The following SEC16B variants were observed in gnomAD, a reference collection of about 807,000 sequenced individuals.
The protein encoded by SEC16B is SEC16 homolog B, endoplasmic reticulum export factor.
A neutral mutation model predicts 141.8 loss-of-function variants in SEC16B; 115 were observed. The ratio of observed to expected loss-of-function variants is 0.81; its 90% confidence interval spans 0.70 to 0.95. SEC16B has a LOEUF of 0.95. Among genes scored for constraint, SEC16B ranks in the 40% least tolerant of loss-of-function variants. SEC16B has a pLI of 0.00. For synonymous variants in SEC16B, 493 were observed against 492.5 expected, an observed-to-expected ratio of 1.00 and a Z score of -0.01; for missense variants, 1,291 against 1,312.3, an observed-to-expected ratio of 0.98 and a Z score of 0.25.
At chr1:177,949,470 T>A (rs1002866178) in intron 12 of SEC16B, among the ~76,000 whole-genome samples, 1 of 150,838 alleles carries the variant, frequency 6.6e-6, no homozygotes, top group Non-Finnish European at 1.5e-5. Context: ...TCCTCGCTGG[T>A]GATTTGAAAA....
chr1:177,965,245 G>T lies in SEC16B; in HGVS notation c.413-78C>A, dbSNP rs141440966. 206 of 1,524,736 alleles carry T rather than the reference G, an allele frequency of 1.4e-4. 1 individual carries two copies. The highest frequency in any genetic ancestry group is 2.0e-5 in the Non-Finnish European group (22 of 1,114,088). 94.5% of individuals were successfully genotyped at this position (1,524,736 alleles called of 1,614,324 possible). A position where few individuals can be genotyped will look rare whatever the true frequency, so the allele number is the denominator to read the frequency against. On this transcript the variant is annotated intron_variant, in intron 3 of 25. Transcript: ENST00000308284. ...GTTCTTAGAAAGATATTAGTGAGCT[G>T]TGAGGAGCTCCTGGAGCACAGTAGA...
chr1:177,932,984 C>G (rs1200687094), intron 22 of SEC16B, among the ~76,000 whole-genome samples, 178 bp from the exon 23 acceptor site: 3 of 152,230 alleles, frequency 2.0e-5, no homozygotes, highest in Non-Finnish European at 4.4e-5. Context: ...TAGCTCCCTA[C>G]TGCTGACCCT....
In SEC16B at chr1:177,965,916, G is replaced by A. The variant is rs768385945; in HGVS notation, c.389C>T (p.Pro130Leu). The A allele has an allele frequency of 6.3e-7, 1 of 1,593,194 alleles. No homozygotes were observed. The highest frequency in any genetic ancestry group is 1.1e-5 in the South Asian group (1 of 87,466). ...ACCTCTTTCTTCCTGCAGCCACTGT[G>A]GGTGTCCATGATAGTAATAACTTCC... ...AYGSYYYHGH[P>L]QWLQEERVPR... is the part of the protein sequence containing the mutation. The change falls in exon 3 of 26, where the codon CCA (proline) becomes CTA (leucine). Residue 130 changes from proline (P) to leucine (L), a missense_variant. Physicochemically the swap from Pro to Leu is moderately conservative, Grantham distance 98. Around this residue, in one of 3 missense-constraint regions of SEC16B, gnomAD observed 681 missense variants for 675.5 expected, o/e 1.01. Coordinates refer to ENST00000308284, the MANE Select transcript of SEC16B (RefSeq NM_033127.4).
At chr1:177,933,168 G>A (rs898489734) in intron 22 of SEC16B, 46 bp downstream of exon 22, 1 of 1,476,490 alleles carries the variant, frequency 6.8e-7, no homozygotes, top group Non-Finnish European at 9.2e-7. Flanking sequence ...AGCTCCCTCT[G>A]AAAGACCCAC....
At chr1:177,939,675 A>T (rs868712130) in intron 18 of SEC16B, 27 bp downstream of exon 18, 1 of 1,507,388 alleles carries the variant, frequency 6.6e-7, no homozygotes, top group Non-Finnish European at 9.1e-7. Context: ...TCAGCTATGT[A>T]TATGCTCAGT....
chr1:177,965,258 G>A (rs756808327), intron 3 of SEC16B, 91 bp from the exon 4 acceptor site: 3 of 1,439,352 alleles, frequency 2.1e-6, no homozygotes, highest in Non-Finnish European at 2.9e-6. Flanking sequence ...AGGAGCTCCT[G>A]GAGCACAGTA....
At position 177,946,483 on chromosome 1, in the gene SEC16B, T is replaced by G. The variant is rs1354424938; in HGVS notation, c.1712A>C (p.His571Pro). ...EAAHFCYLMAHVPFGHYTVKT... is the reference protein window; with the variant it reads ...EAAHFCYLMAPVPFGHYTVKT... The stretch of plus-strand genomic sequence containing the variant: ...CACGGTGTAGTGGCCAAAGGGCACG[T>G]GAGCCATGAGATAGCAGAAGTGAGC... Residue 571 changes from histidine (H) to proline (P), a missense_variant, in exon 14 of 26, where the codon CAC (histidine) becomes CCC (proline). Around this residue, in one of 3 missense-constraint regions of SEC16B, gnomAD observed 605 missense variants for 614.1 expected, o/e 0.99. Coordinates refer to ENST00000308284, the MANE Select transcript of SEC16B (RefSeq NM_033127.4). 1.3e-6 allele frequency: 2 copies of G among 1,585,280 alleles called. No individual in the cohort carries two copies. The highest frequency in any genetic ancestry group is 1.3e-5 in the African/African-American group (1 of 74,334).
intron 3 of SEC16B, 103 bp downstream of exon 3, chr1:177,965,790 C>T: frequency 1.5e-6 from 1 of 646,604 alleles, no homozygotes; most frequent in Non-Finnish European, 2.7e-6. Flanking sequence ...GAAAGGATGC[C>T]CAAGGTGAGG....
chr1:177,938,742 T>C (rs1651053004), intron 18 of SEC16B, among the ~76,000 whole-genome samples: 1 of 152,226 alleles, frequency 6.6e-6, no homozygotes, highest in Non-Finnish European at 1.5e-5. Flanking sequence ...TTATTTCTTC[T>C]TTAAGGACTT....
At chr1:177,937,578 C>T in intron 18 of SEC16B, 65 bp from the exon 19 acceptor site, 1 of 1,317,024 alleles carries the variant, frequency 7.6e-7, no homozygotes, top group Non-Finnish European at 1.0e-6. Context: ...ACTGATCACA[C>T]CAGAAACATT....
chr1:177,965,844 A>G (rs1357471047), intron 3 of SEC16B, 49 bp downstream of exon 3: 1 of 1,206,168 alleles, frequency 8.3e-7, no homozygotes, highest in Non-Finnish European at 1.2e-6. Context: ...CTCTCAGACC[A>G]GCTGCCCCAT....
At chr1:177,968,136 G>A (rs559592355) in intron 1 of SEC16B, 97 bp from the exon 2 acceptor site, 5 of 662,310 alleles carry the variant, frequency 7.5e-6, no homozygotes, top group African/African-American at 3.6e-5. Flanking sequence ...TATGGTCCTC[G>A]AAATATATCT....
chr1:177,962,086 C>A (rs1411195527), intron 5 of SEC16B, among the ~76,000 whole-genome samples: 1 of 151,912 alleles, frequency 6.6e-6, no homozygotes, highest in Non-Finnish European at 1.5e-5. Flanking sequence ...AAACAATTTT[C>A]TTTTTTGAGA....
rs1165878929 is a variant in SEC16B, at chr1:177,929,803, A to G, written c.*55T>C. 12 of 1,589,660 alleles carry G rather than the reference A, an allele frequency of 7.5e-6. No homozygotes were observed. Among genetic ancestry groups the G allele is most frequent in the Admixed American group, 1.7e-5 (1 of 58,468 alleles). ...AGAGAGGGGCTGGGAGATTGAGAAAAAGAGAGCAAGAAAGTTTCAGTCCTG... is the reference window on the plus strand; with the variant it reads ...AGAGAGGGGCTGGGAGATTGAGAAAGAGAGAGCAAGAAAGTTTCAGTCCTG... On this transcript the variant is annotated 3_prime_UTR_variant, in exon 26 of 26. Transcript: ENST00000308284.
chr1:177,959,210 C>T, intron 8 of SEC16B: 1 of 523,324 alleles, frequency 1.9e-6, no homozygotes, highest in South Asian at 2.0e-5. Context: ...GAAACAGAGG[C>T]TCAGAGACCT....
chr1:177,954,329 C>T lies in SEC16B; in HGVS notation c.1413G>A (p.Leu471=), dbSNP rs2101961292. Residue 471 remains leucine (L), a synonymous_variant, in exon 11 of 26, where the codon TTG becomes TTA. Coordinates refer to ENST00000308284, the MANE Select transcript of SEC16B (RefSeq NM_033127.4). ...AMKNHLWGHA[L]FLSSKMDPQT... is the part of the protein sequence containing the mutation. The stretch of plus-strand genomic sequence containing the variant: ...GTGGGTCCATCTTGCTGGACAGGAA[C>T]AAAGCATGGCCCCACAAGTGGTTCT... The T allele has an allele frequency of 1.3e-6, 2 of 1,575,972 alleles. No individual in the cohort carries two copies. The highest frequency in any genetic ancestry group is 2.3e-5 in the East Asian group (1 of 42,834).
intron 1 of SEC16B, among the ~76,000 whole-genome samples, chr1:177,983,969 G>C (rs539887234): frequency 6.6e-6 from 1 of 152,272 alleles, no homozygotes; most frequent in South Asian, 2.1e-4. Flanking sequence ...AGGAGTTAGG[G>C]TTGGAAATTG....
At chr1:177,961,547 C>A in intron 6 of SEC16B, 43 bp downstream of exon 6, 4 of 1,568,078 alleles carry the variant, frequency 2.6e-6, no homozygotes, top group Non-Finnish European at 3.5e-6. Context: ...CCAGCCCTTC[C>A]ACATCAGATT....
chr1:177,959,599 G>A (rs1192335214), intron 8 of SEC16B: 1 of 158,202 alleles, frequency 6.3e-6, no homozygotes, highest in Non-Finnish European at 1.4e-5. Flanking sequence ...AATGCCATTT[G>A]AGGAATACAT....
Sources: allele counts gnomAD v4.1 joint callset (sites outside exome capture counted in the v4.1 genomes callset), GRCh38; gene constraint gnomAD v4.1.1; regional missense constraint gnomAD v4.1.1; transcripts MANE v1.5; gene names NCBI Gene and HGNC (gene_info 2026-07-23, HGNC 2026-07-21).